MAST4: variants seen among roughly 807,000 people sequenced by gnomAD.
The protein encoded by MAST4 is microtubule associated serine/threonine kinase family member 4, also known as microtubule-associated serine/threonine-protein kinase 4.
Under a neutral mutation model 162.7 loss-of-function variants are expected in MAST4, and 89 were observed. That is an observed-to-expected ratio of 0.55 (90% CI 0.46 to 0.65). The LOEUF is 0.65. Ranked by LOEUF, MAST4 falls within the 30% of genes least tolerant of loss-of-function variation. MAST4 has a pLI of 0.00. For synonymous variants in MAST4, 1,479 were observed against 1,361.1 expected (o/e 1.09, Z -1.91); for missense variants, 3,153 against 3,374.0 (o/e 0.93, Z 1.62).
intron 1 of MAST4, among the ~76,000 whole-genome samples, chr5:66,740,751 G>A (rs892519177): frequency 4.6e-5 from 7 of 152,268 alleles, no homozygotes; most frequent in Admixed American, 2.6e-4. Context: ...TACAGTCGTC[G>A]CTCAAGCTGT....
At chr5:66,888,824 T>G (rs779148319) in intron 3 of MAST4, among the ~76,000 whole-genome samples, 3 of 152,228 alleles carry the variant, frequency 2.0e-5, no homozygotes, top group Non-Finnish European at 4.4e-5. Flanking sequence ...AAAGTGAAAG[T>G]AGAAATCTGT....
At chr5:66,828,614 T>C (rs867613276) in intron 3 of MAST4, among the ~76,000 whole-genome samples, 1 of 152,246 alleles carries the variant, frequency 6.6e-6, no homozygotes, top group Admixed American at 6.5e-5. Context: ...GATAAATGCA[T>C]TAGGTGTCTG....
chr5:66,909,921 C>T (rs1763635381), intron 4 of MAST4, among the ~76,000 whole-genome samples: 1 of 152,232 alleles, frequency 6.6e-6, no homozygotes, highest in South Asian at 2.1e-4. Flanking sequence ...CCATGTAAGA[C>T]ATGACTTGCT....
intron 4 of MAST4, among the ~76,000 whole-genome samples, chr5:67,021,114 C>G (rs1753922387): frequency 6.6e-6 from 1 of 152,194 alleles, no homozygotes; most frequent in African/African-American, 2.4e-5. Context: ...TTTAGGCACT[C>G]TTTCAAGAAA....
chr5:67,070,967 G>A (rs1054509428), intron 5 of MAST4, among the ~76,000 whole-genome samples: 1 of 152,132 alleles, frequency 6.6e-6, no homozygotes, highest in South Asian at 2.1e-4. Context: ...CTTTCTGTAG[G>A]AAATTTAAGA....
rs571122572 is a variant in MAST4 at position 67,149,293 on chromosome 5, T to C, written c.3095-96T>C. The stretch of plus-strand genomic sequence containing the variant: ...ACTGGCCACATAGGAGTATGTTCTC[T>C]GGCGTTTACTCTTCCTGCTGTCTCT... On this transcript the variant is annotated intron_variant, in intron 23 of 28. Transcript: ENST00000403625. The C allele has an allele frequency of 1.9e-4, 199 of 1,072,722 alleles. 1 individual carries two copies. The African/African-American group carries it at 2.7e-3, about 15-fold the overall frequency. 66.5% of individuals were successfully genotyped at this position (1,072,722 alleles called of 1,614,324 possible). A position where few individuals can be genotyped will look rare whatever the true frequency, so the allele number is the denominator to read the frequency against.
At chr5:66,787,016 G>T (rs1476504085) in intron 2 of MAST4, among the ~76,000 whole-genome samples, 1 of 152,190 alleles carries the variant, frequency 6.6e-6, no homozygotes, top group Non-Finnish European at 1.5e-5. Context: ...CTAAGGTGTT[G>T]ATAGTGGTTT....
chr5:67,133,741 G>A, intron 17 of MAST4, 95 bp downstream of exon 17: 1 of 1,363,594 alleles, frequency 7.3e-7, no homozygotes, highest in Non-Finnish European at 1.0e-6. Flanking sequence ...CTTCACATTA[G>A]TGCTGGTGGT....
intron 14 of MAST4, among the ~76,000 whole-genome samples, chr5:67,126,674 G>T (rs2150974915): frequency 6.6e-6 from 1 of 152,252 alleles, no homozygotes; most frequent in East Asian, 1.9e-4. Context: ...AAGTCAGGTA[G>T]CGTGATGCCT....
intron 3 of MAST4, among the ~76,000 whole-genome samples, chr5:66,825,902 G>C (rs546510986): frequency 9.9e-5 from 15 of 152,212 alleles, no homozygotes; most frequent in African/African-American, 3.1e-4. Context: ...ACAATATTGT[G>C]AATATATTCC....
chr5:67,114,012 G>A, intron 11 of MAST4, 75 bp from the exon 12 acceptor site: 2 of 1,557,564 alleles, frequency 1.3e-6, no homozygotes, highest in Non-Finnish European at 1.8e-6. Context: ...GTTATATTGT[G>A]AATGGGATTT....
intron 5 of MAST4, among the ~76,000 whole-genome samples, chr5:67,089,573 T>G (rs1763611274): frequency 6.6e-6 from 1 of 152,214 alleles, no homozygotes; most frequent in Non-Finnish European, 1.5e-5. Context: ...TTGGCAATGC[T>G]GAGATAGATC....
In MAST4 at chr5:66,973,671, G is replaced by T. The variant is rs189844591; in HGVS notation, c.674+73689G>T. Reference sequence around the variant, plus strand: ...AACAAGATTTCACCCAGTGGTTTTTGCTTTCATTGATGACCTTGCTCAAAT... The same window carrying T: ...AACAAGATTTCACCCAGTGGTTTTTTCTTTCATTGATGACCTTGCTCAAAT... On this transcript the variant is annotated intron_variant, in intron 4 of 28. Transcript: ENST00000403625. Among the ~76,000 whole-genome samples, 553 of 152,066 alleles carry T rather than the reference G, an allele frequency of 3.6e-3. 1 individual carries two copies. Among genetic ancestry groups the T allele is most frequent in the Non-Finnish European group, 5.5e-3 (372 of 67,962 alleles).
At chr5:67,124,677 G>A (rs764730869) in intron 14 of MAST4, among the ~76,000 whole-genome samples, 3 of 152,154 alleles carry the variant, frequency 2.0e-5, no homozygotes, top group Admixed American at 6.5e-5. Flanking sequence ...CTGAGGCAGC[G>A]ATATCTCAAG....
intron 4 of MAST4, among the ~76,000 whole-genome samples, chr5:67,041,893 G>T (rs1387937558): frequency 6.6e-6 from 1 of 152,194 alleles, no homozygotes; most frequent in Non-Finnish European, 1.5e-5. Context: ...CTCCCAAAGT[G>T]CTGGGATTAC....
intron 4 of MAST4, among the ~76,000 whole-genome samples, chr5:66,947,288 G>C (rs1283123109): frequency 6.6e-6 from 1 of 150,884 alleles, no homozygotes; most frequent in Non-Finnish European, 1.5e-5. Context: ...CTGAGTTGCT[G>C]CCTGATCCTG....
At chr5:66,948,019 T>C (rs1406340014) in intron 4 of MAST4, among the ~76,000 whole-genome samples, 1 of 152,136 alleles carries the variant, frequency 6.6e-6, no homozygotes, top group African/African-American at 2.4e-5. Flanking sequence ...TCATATAAAG[T>C]GGACTGTCTC....
chr5:66,628,063 G>A (rs530829068), intron 1 of MAST4, among the ~76,000 whole-genome samples: 87 of 151,996 alleles, frequency 5.7e-4, no homozygotes, highest in African/African-American at 2.1e-3. Flanking sequence ...ACAGAGTTTT[G>A]CTCTCTCGCC....
chr5:66,715,732 GAAAA>G (rs34012737), intron 1 of MAST4, among the ~76,000 whole-genome samples: 7,118 of 125,322 alleles, frequency 0.057, 580 homozygotes, highest in African/African-American at 0.18. Context: ...GCCATGACAG[GAAAA>G]AAAAAAAAAA....
Sources: allele counts gnomAD v4.1 joint callset (sites outside exome capture counted in the v4.1 genomes callset), GRCh38; gene constraint gnomAD v4.1.1; transcripts MANE v1.5; gene names NCBI Gene and HGNC (gene_info 2026-07-23, HGNC 2026-07-21).